MTREX: variants seen among roughly 807,000 people sequenced by gnomAD.
The protein encoded by MTREX is exosome RNA helicase MTR4.
In MTREX, 76 loss-of-function variants were observed where a neutral mutation model predicts 135.4. The observed-to-expected ratio is 0.56, with a 90% confidence interval of 0.47 to 0.68. MTREX has a LOEUF of 0.68. Ranked by LOEUF, MTREX falls within the 30% of genes least tolerant of loss-of-function variation. The pLI, the probability that MTREX is intolerant of heterozygous loss-of-function variation, is 0.00. For missense variants in MTREX, 920 were observed against 1,262.1 expected (o/e 0.73, Z 4.11); for synonymous variants, 404 against 401.6 (o/e 1.01, Z -0.07).
chr5:55,417,963 G>T (rs1166242469), intron 25 of MTREX, among the ~76,000 whole-genome samples: 5 of 150,458 alleles, frequency 3.3e-5, no homozygotes, highest in Non-Finnish European at 7.4e-5. Context: ...GGCCAGGCAC[G>T]GTGGCTTACG....
rs559761380 is a variant in MTREX at position 55,396,007 on chromosome 5, C to T, written c.2182-1409C>T. ...TACAGATTAGATGATATCATTGTCT[C>T]GACATTAGATTTTCCTCTTTTAATA... is the stretch of plus-strand genomic sequence containing the variant. On this transcript the variant is annotated intron_variant, in intron 19 of 26. Coordinates refer to ENST00000230640, the MANE Select transcript of MTREX (RefSeq NM_015360.5). Among the ~76,000 whole-genome samples, 4 of 152,160 alleles carry T rather than the reference C, an allele frequency of 2.6e-5. No individual in the cohort carries two copies. The East Asian group carries it at 7.7e-4, about 29-fold the overall frequency.
chr5:55,400,707 A>G (rs1020653306), intron 21 of MTREX, among the ~76,000 whole-genome samples: 1 of 152,140 alleles, frequency 6.6e-6, no homozygotes, highest in Non-Finnish European at 1.5e-5. Flanking sequence ...AAAATGTCCA[A>G]CTCACTGGTT....
rs34486683 is a variant in MTREX, at chr5:55,392,541, T to TA, written c.2181+4462dup. Among the ~76,000 whole-genome samples, 202 of 114,514 alleles carry TA rather than the reference T, an allele frequency of 1.8e-3. 2 individuals are homozygous for TA. Among genetic ancestry groups the TA allele is most frequent in the African/African-American group, 2.6e-3 (77 of 29,776 alleles). The allele number at this position is 114,514 out of a possible 152,430, so 75.1% of individuals were successfully genotyped here. A position where few individuals can be genotyped will look rare whatever the true frequency, so the allele number is the denominator to read the frequency against. ...CTGGGTGACAGAGAAGGGCTCTGTC[T>TA]AAAAAAAAAAAAAAAAAAAAAAATT... On this transcript the variant is annotated intron_variant, in intron 19 of 26. Transcript: ENST00000230640.
chr5:55,316,852 A>G (rs1303252502), intron 1 of MTREX, among the ~76,000 whole-genome samples: 1 of 152,206 alleles, frequency 6.6e-6, no homozygotes, highest in Non-Finnish European at 1.5e-5. Flanking sequence ...CTGTTTGCAG[A>G]CAACATAATT....
intron 1 of MTREX, among the ~76,000 whole-genome samples, chr5:55,308,412 G>C (rs998833580): frequency 3.9e-5 from 6 of 151,908 alleles, no homozygotes; most frequent in Non-Finnish European, 7.4e-5. Context: ...CCATCTTCGC[G>C]GTTGTCTCCT....
At chr5:55,340,689 C>T (rs2112056148) in intron 6 of MTREX, among the ~76,000 whole-genome samples, 1 of 152,302 alleles carries the variant, frequency 6.6e-6, no homozygotes, top group South Asian at 2.1e-4. Context: ...TCACGCCATT[C>T]TCCTGCCTCA....
At chr5:55,351,609 T>C (rs1197074805) in intron 13 of MTREX, among the ~76,000 whole-genome samples, 1 of 152,194 alleles carries the variant, frequency 6.6e-6, no homozygotes. Context: ...ATTTAATTAC[T>C]AAACCCGGGG....
chr5:55,381,865 G>A (rs918202452), intron 18 of MTREX, among the ~76,000 whole-genome samples: 1 of 152,090 alleles, frequency 6.6e-6, no homozygotes, highest in African/African-American at 2.4e-5. Flanking sequence ...CGTAACTATT[G>A]TTGTTGTATT....
intron 21 of MTREX, among the ~76,000 whole-genome samples, chr5:55,404,788 CTCTGT>C (rs1225414806): frequency 4.1e-5 from 6 of 147,672 alleles, no homozygotes; most frequent in African/African-American, 1.5e-4. Context: ...AAGAGCTGTG[CTCTGT>C]TCTCTTTTTT....
intron 5 of MTREX, among the ~76,000 whole-genome samples, chr5:55,334,791 C>T (rs562398768): frequency 7.9e-5 from 12 of 152,132 alleles, no homozygotes; most frequent in African/African-American, 2.9e-4. Flanking sequence ...CATTATAATA[C>T]TGATGTAAAC....
intron 3 of MTREX, among the ~76,000 whole-genome samples, chr5:55,325,895 C>T (rs146861401): frequency 2.6e-5 from 4 of 152,208 alleles, no homozygotes; most frequent in East Asian, 1.9e-4. Flanking sequence ...TCTGTTTCTG[C>T]GTTAAATCAG....
At chr5:55,358,464 T>C in intron 14 of MTREX, 109 bp from the exon 15 acceptor site, 1 of 943,734 alleles carries the variant, frequency 1.1e-6, no homozygotes, top group Non-Finnish European at 1.5e-6. Flanking sequence ...TCATGTTTCC[T>C]TTCTTAGGGT....
chr5:55,323,950 T>C (rs539406657), intron 2 of MTREX, among the ~76,000 whole-genome samples, 182 bp from the exon 3 acceptor site: 47 of 152,208 alleles, frequency 3.1e-4, no homozygotes, highest in Non-Finnish European at 5.4e-4. Flanking sequence ...CATTTTTAAT[T>C]TTCAGCATAT....
chr5:55,313,437 C>G (rs892503170), intron 1 of MTREX, among the ~76,000 whole-genome samples: 2 of 151,622 alleles, frequency 1.3e-5, no homozygotes, highest in Admixed American at 1.3e-4. Context: ...AGAGACATGT[C>G]TCAAAAAAAA....
intron 14 of MTREX, among the ~76,000 whole-genome samples, chr5:55,353,806 A>C (rs1749867295): frequency 6.6e-6 from 1 of 152,234 alleles, no homozygotes; most frequent in South Asian, 2.1e-4. Flanking sequence ...CTTTAAGTGA[A>C]GGAGTTTGAT....
chr5:55,410,722 T>TG, intron 23 of MTREX, 93 bp downstream of exon 23: 12 of 620,438 alleles, frequency 1.9e-5, no homozygotes, highest in Non-Finnish European at 2.9e-5. Flanking sequence ...TACTAATATT[T>TG]ACATATTATA....
chr5:55,347,212 ATTTTTATC>A, intron 11 of MTREX, 68 bp downstream of exon 11: 1 of 1,450,742 alleles, frequency 6.9e-7, no homozygotes, highest in Non-Finnish European at 9.4e-7. Flanking sequence ...TTCTAGTAAT[ATTTTTATC>A]TGTTACATAT....
At chr5:55,308,587 TTTCTC>T (rs1345072721) in intron 1 of MTREX, among the ~76,000 whole-genome samples, 1 of 152,160 alleles carries the variant, frequency 6.6e-6, no homozygotes, top group Middle Eastern at 3.2e-3. Context: ...ATGTAGTAGT[TTTCTC>T]TTCCGTAAAA....
rs150638468 is a variant in MTREX at position 55,420,792 on chromosome 5, A to G, written c.2972-2086A>G. 1.3e-3 allele frequency among the ~76,000 whole-genome samples: 204 copies of G among 151,950 alleles called. 2 individuals are homozygous for G. In the Middle Eastern group the frequency reaches 0.024, roughly 18 times the overall value. On this transcript the variant is annotated intron_variant, in intron 25 of 26. Coordinates refer to ENST00000230640, the MANE Select transcript of MTREX (RefSeq NM_015360.5). ...CTAAAATTAGATAATGATGATGGTT[A>G]CACAAGTCTGAATATACTAAAAACC...
Sources: allele counts gnomAD v4.1 joint callset (sites outside exome capture counted in the v4.1 genomes callset), GRCh38; gene constraint gnomAD v4.1.1; transcripts MANE v1.5; gene names NCBI Gene and HGNC (gene_info 2026-07-23, HGNC 2026-07-21).